The following TRAF7 variants were observed in gnomAD, a reference collection of about 807,000 sequenced individuals.
TRAF7 encodes the protein TNF receptor associated factor 7.
TRAF7 carries 45 observed loss-of-function variants against 89.3 expected under a neutral mutation model. That is an observed-to-expected ratio of 0.50 (90% CI 0.40 to 0.65). TRAF7 has a LOEUF of 0.65. TRAF7 is among the 30% of genes least tolerant of loss of function. The pLI, the probability that TRAF7 is intolerant of heterozygous loss-of-function variation, is 0.00. For missense variants in TRAF7, 677 were observed against 918.1 expected, an observed-to-expected ratio of 0.74 and a Z score of 3.39; for synonymous variants, 406 against 369.2, an observed-to-expected ratio of 1.10 and a Z score of -1.14.
At chr16:2,156,104 T>G (rs1324809242) in intron 1 of TRAF7, among the ~76,000 whole-genome samples, 1 of 152,038 alleles carries the variant, frequency 6.6e-6, no homozygotes, top group African/African-American at 2.4e-5. Context: ...CTTTACTCAT[T>G]CCTTCTTCCT....
chr16:2,164,203 G>A (rs990418440), intron 2 of TRAF7, among the ~76,000 whole-genome samples: 2 of 150,778 alleles, frequency 1.3e-5, no homozygotes, highest in Admixed American at 6.6e-5. Flanking sequence ...TGTGGTTGGG[G>A]CGTGTTAGTG....
intron 12 of TRAF7, 39 bp downstream of exon 12, chr16:2,173,875 C>A (rs1346841456): frequency 1.2e-6 from 2 of 1,609,642 alleles, no homozygotes; most frequent in Non-Finnish European, 8.5e-7. Flanking sequence ...CCACCCTCCC[C>A]CCCGGGCCCC....
rs1273626592 is a variant in TRAF7 at position 2,176,250 on chromosome 16, C to G, written c.1879-15C>G. On this transcript the variant is annotated splice_polypyrimidine_tract_variant and intron_variant, in intron 19 of 20. Transcript: ENST00000326181. ...GCTGAGCTCCGGCGGGCCCTCACGT[C>G]CCATGTGCCCCCAGGTCTGGAGTAT... The G allele has an allele frequency of 1.9e-6, 3 of 1,600,636 alleles. No homozygotes were observed. Among genetic ancestry groups the G allele is most frequent in the Non-Finnish European group, 2.5e-6 (3 of 1,179,214 alleles).
rs1007076785 is a variant in TRAF7 at position 2,159,330 on chromosome 16, G to C, written c.-39+3472G>C. 6.6e-5 allele frequency among the ~76,000 whole-genome samples: 10 copies of C among 152,180 alleles called. No homozygotes were observed. Among genetic ancestry groups the C allele is most frequent in the African/African-American group, 2.2e-4 (9 of 41,434 alleles). On this transcript the variant is annotated intron_variant, in intron 1 of 20. Coordinates refer to ENST00000326181, the MANE Select transcript of TRAF7 (RefSeq NM_032271.3). This position sits in a 1 kb window ranked among gnomAD's most constrained non-coding sequence, Gnocchi z 6.5. ...CTAGGAGGGAAGCGGGGCCAAGCCG[G>C]CCTCAGACCAGGGCCTGCTGGGGTT...
Position 2,168,085 on chromosome 16 carries a change from A to G in TRAF7, c.148A>G (p.Thr50Ala), listed in dbSNP as rs1376332433. ...GCCCTCTTGCCTTGCAGCTGACGGG[A>G]CCAGCACCTACAAGCAGCACTGCAG... ...AVTTITKADG[T>A]STYKQHCRTP... Residue 50 changes from threonine to alanine, a missense_variant, in exon 4 of 21, where the codon ACC becomes GCC. By Grantham distance (58) the Thr-to-Ala change is moderately conservative (BLOSUM62 0). Coordinates refer to ENST00000326181, the MANE Select transcript of TRAF7 (RefSeq NM_032271.3). The surrounding 1 kb of genome is among the most constrained non-coding windows in gnomAD (Gnocchi z 4.1). The G allele has an allele frequency of 1.2e-6, 2 of 1,611,244 alleles. No homozygotes were observed.
intron 2 of TRAF7, among the ~76,000 whole-genome samples, 185 bp from the exon 3 acceptor site, chr16:2,165,694 G>A (rs1333351805): frequency 2.0e-5 from 3 of 150,074 alleles, no homozygotes; most frequent in Non-Finnish European, 4.4e-5. Flanking sequence ...TTAGCGCTGC[G>A]TGGCGCGGCC....
intron 20 of TRAF7, 37 bp from the exon 21 acceptor site, chr16:2,176,523 C>T (rs369426021): frequency 1.4e-5 from 23 of 1,613,004 alleles, no homozygotes; most frequent in East Asian, 4.5e-5. Context: ...GGCAGCCGGC[C>T]GCAGGACATC....
intron 12 of TRAF7, 23 bp downstream of exon 12, chr16:2,173,859 T>TTGGGCGGCCCCCCCCCC: frequency 8.0e-7 from 1 of 1,246,258 alleles, no homozygotes; most frequent in Non-Finnish European, 1.1e-6. Context: ...CCGCCGTGGC[T>TTGGGCGGCCCCCCCCCC]CCCGCCCACC....
At position 2,177,031 on chromosome 16, in the gene TRAF7, A is replaced by G. The variant is rs948224802; in HGVS notation, c.*457A>G. 1.9e-5 allele frequency: 6 copies of G among 318,494 alleles called. No homozygotes were observed. Among genetic ancestry groups the G allele is most frequent in the East Asian group, 4.8e-5 (1 of 20,944 alleles). The allele number at this position is 318,494 out of a possible 1,614,324, so 19.7% of individuals were successfully genotyped here. On this transcript the variant is annotated 3_prime_UTR_variant, in exon 21 of 21. Coordinates refer to ENST00000326181, the MANE Select transcript of TRAF7 (RefSeq NM_032271.3). ...CACTGGCTGCTGTGAGTGGGGGGGC[A>G]TGGGGCAGTTTCCTTTGGTGGACCC... is the stretch of plus-strand genomic sequence containing the variant.
chr16:2,161,979 C>T lies in TRAF7; in HGVS notation c.-38-1904C>T, dbSNP rs537429577. ...CCCCTGCCTCTTCCACAAGAGAAGTCCCCCGAGAGCCTAGTCTGGGTCACA... is the reference window on the plus strand; with the variant it reads ...CCCCTGCCTCTTCCACAAGAGAAGTTCCCCGAGAGCCTAGTCTGGGTCACA... On this transcript the variant is annotated intron_variant, in intron 1 of 20. Coordinates refer to ENST00000326181, the MANE Select transcript of TRAF7 (RefSeq NM_032271.3). This position sits in a 1 kb window ranked among gnomAD's most constrained non-coding sequence, Gnocchi z 5.2. Among the ~76,000 whole-genome samples, 2 of 152,198 alleles carry T rather than the reference C, an allele frequency of 1.3e-5. No homozygotes were observed. The highest frequency in any genetic ancestry group is 4.8e-5 in the African/African-American group (2 of 41,460).
intron 9 of TRAF7, among the ~76,000 whole-genome samples, 172 bp downstream of exon 9, chr16:2,172,771 G>T (rs1442911508): frequency 6.6e-6 from 1 of 152,166 alleles, no homozygotes; most frequent in Non-Finnish European, 1.5e-5. Flanking sequence ...GGGAGCCGAG[G>T]GCGTCCAGGA....
rs1255727058 is a variant in TRAF7, at chr16:2,159,993, G to A, written c.-38-3890G>A. Among the ~76,000 whole-genome samples, 5 of 152,154 alleles carry A rather than the reference G, an allele frequency of 3.3e-5. No homozygotes were observed. The highest frequency in any genetic ancestry group is 7.2e-5 in the African/African-American group (3 of 41,446). On this transcript the variant is annotated intron_variant, in intron 1 of 20. Coordinates refer to ENST00000326181, the MANE Select transcript of TRAF7 (RefSeq NM_032271.3). This position sits in a 1 kb window ranked among gnomAD's most constrained non-coding sequence, Gnocchi z 6.5. ...TCCGCATCCCACATGCCCCCAGGGC[G>A]ATGCCCCAGCAGAGCCCTCTAAGCC... is the stretch of plus-strand genomic sequence containing the variant.
At chr16:2,174,616 G>C (rs1209146007) in intron 14 of TRAF7, among the ~76,000 whole-genome samples, 26 of 152,092 alleles carry the variant, frequency 1.7e-4, no homozygotes, top group Admixed American at 1.7e-3. Context: ...CAGAAGATAG[G>C]GGGGACCTTA....
At chr16:2,164,641 G>A (rs2093075182) in intron 2 of TRAF7, among the ~76,000 whole-genome samples, 1 of 140,984 alleles carries the variant, frequency 7.1e-6, no homozygotes, top group Admixed American at 7.0e-5. Flanking sequence ...GCGCGGCCTG[G>A]TCGCATGGTT....
intron 2 of TRAF7, among the ~76,000 whole-genome samples, chr16:2,164,537 G>T (rs1313268065): frequency 1.3e-4 from 16 of 123,208 alleles, no homozygotes; most frequent in South Asian, 2.7e-4. Context: ...TTAAGCGTGT[G>T]AGTGCTGCGT....
rs576372209 is a variant in TRAF7 at position 2,159,483 on chromosome 16, G to A, written c.-39+3625G>A. 9.8e-5 allele frequency among the ~76,000 whole-genome samples: 15 copies of A among 152,354 alleles called. No homozygotes were observed. The highest frequency in any genetic ancestry group is 3.9e-4 in the Admixed American group (6 of 15,308). On this transcript the variant is annotated intron_variant, in intron 1 of 20. Coordinates refer to ENST00000326181, the MANE Select transcript of TRAF7 (RefSeq NM_032271.3). This position sits in a 1 kb window ranked among gnomAD's most constrained non-coding sequence, Gnocchi z 6.5. ...CGTCAGGGAACAGCGGCGGAAGTGC[G>A]TGTGGCTTTGCTATGGCAACCAGGC... is the stretch of plus-strand genomic sequence containing the variant.
At chr16:2,173,662 TTG>T in intron 11 of TRAF7, 108 bp downstream of exon 11, 1 of 1,572,296 alleles carries the variant, frequency 6.4e-7, no homozygotes, top group Non-Finnish European at 8.7e-7. Context: ...ATCAGGGGTC[TTG>T]TGTGTGGCAG....
intron 3 of TRAF7, 137 bp from the exon 4 acceptor site, chr16:2,167,940 G>A: frequency 2.8e-6 from 2 of 716,840 alleles, no homozygotes; most frequent in East Asian, 2.7e-5. Context: ...ATCCCTGCAT[G>A]CTTTCCTGCC....
rs1026476842 is a variant in TRAF7, at chr16:2,161,095, G to A, written c.-38-2788G>A. 3.3e-5 allele frequency among the ~76,000 whole-genome samples: 5 copies of A among 152,070 alleles called. No homozygotes were observed. The highest frequency in any genetic ancestry group is 2.1e-4 in the South Asian group (1 of 4,830). ...GGCCTCCAGCCCCAGGGTCCCGCCC[G>A]CCTCCATGTCCCTGGCTGGGGCTGA... On this transcript the variant is annotated intron_variant, in intron 1 of 20. Coordinates refer to ENST00000326181, the MANE Select transcript of TRAF7 (RefSeq NM_032271.3). This position sits in a 1 kb window ranked among gnomAD's most constrained non-coding sequence, Gnocchi z 5.2.
Sources: allele counts gnomAD v4.1 joint callset (sites outside exome capture counted in the v4.1 genomes callset), GRCh38; gene constraint gnomAD v4.1.1; non-coding constraint Gnocchi (gnomAD v3.1); transcripts MANE v1.5; gene names NCBI Gene and HGNC (gene_info 2026-07-23, HGNC 2026-07-21).